The following IRAG2 variants were observed in gnomAD, a reference collection of about 807,000 sequenced individuals.
IRAG2 encodes inositol 1,4,5-triphosphate receptor associated 2.
In IRAG2, 45 loss-of-function variants were observed where a neutral mutation model predicts 69.9. The ratio of observed to expected loss-of-function variants is 0.64; its 90% CI spans 0.51 to 0.83. The LOEUF (loss-of-function observed/expected upper bound fraction) is 0.83, where lower values mean the gene tolerates loss of function less well. Among genes scored for constraint, IRAG2 ranks in the 40% least tolerant of loss-of-function variants. IRAG2 has a pLI of 0.00. For missense variants in IRAG2, 520 were observed against 587.0 expected, an observed-to-expected ratio of 0.89 and a Z score of 1.18; for synonymous variants, 193 against 202.4, an observed-to-expected ratio of 0.95 and a Z score of 0.40.
chr12:25,031,874 C>T (rs1041985531), intron 10 of IRAG2, among the ~76,000 whole-genome samples: 21 of 152,162 alleles, frequency 1.4e-4, no homozygotes, highest in Non-Finnish European at 4.4e-5. Flanking sequence ...GTTGGTCAGG[C>T]TGGTCTGGAC....
intron 15 of IRAG2, among the ~76,000 whole-genome samples, chr12:25,099,598 A>C (rs180958274): frequency 6.6e-6 from 1 of 152,266 alleles, no homozygotes; most frequent in African/African-American, 2.4e-5. Flanking sequence ...TCTGTTCTTA[A>C]TAAAGGAGCC....
At chr12:25,051,705 T>C (rs1284209223), upstream of IRAG2, among the ~76,000 whole-genome samples, 1 of 152,250 alleles carries the variant, frequency 6.6e-6, no homozygotes, top group Non-Finnish European at 1.5e-5. Context: ...CTTTCATCTG[T>C]GCCTGGGGGC....
At chr12:25,067,387 C>G (rs553629745) in intron 5 of IRAG2, among the ~76,000 whole-genome samples, 38 of 152,234 alleles carry the variant, frequency 2.5e-4, no homozygotes, top group African/African-American at 8.4e-4. Flanking sequence ...ATGAAATGGG[C>G]GTCCAGTAAT....
chr12:25,069,981 T>C (rs934036377), intron 6 of IRAG2, among the ~76,000 whole-genome samples: 5 of 152,184 alleles, frequency 3.3e-5, no homozygotes, highest in African/African-American at 1.2e-4. Flanking sequence ...TCTCTATCAT[T>C]GAGATGTGGT....
chr12:25,089,376 A>G (rs932615570), intron 11 of IRAG2, among the ~76,000 whole-genome samples: 1 of 143,190 alleles, frequency 7.0e-6, no homozygotes, highest in Non-Finnish European at 1.6e-5. Flanking sequence ...ATTCTGAGAC[A>G]TCTTTAAGTA....
chr12:25,003,343 G>GTCTAA (rs1391245291), upstream of IRAG2, among the ~76,000 whole-genome samples: 36 of 152,148 alleles, frequency 2.4e-4, no homozygotes, highest in African/African-American at 8.0e-4. Context: ...AAAAATATCT[G>GTCTAA]TCTAATCTAA....
At chr12:25,104,723 T>C (rs911199228) in intron 20 of IRAG2, among the ~76,000 whole-genome samples, 1 of 152,174 alleles carries the variant, frequency 6.6e-6, no homozygotes, top group African/African-American at 2.4e-5. Context: ...TGAAGATAAT[T>C]TTTTTCCTGT....
chr12:25,089,933 A>G lies in IRAG2; in HGVS notation c.466-124A>G, dbSNP rs1032411518. 3.2e-5 allele frequency: 41 copies of G among 1,278,096 alleles called. No homozygotes were observed. In the African/African-American group the frequency reaches 4.6e-4, roughly 14 times the overall value. 79.2% of individuals were successfully genotyped at this position (1,278,096 alleles called of 1,614,324 possible). ...GACTCAGTGCAGGTGAACCCTGTGC[A>G]TGTCAGCATTATGTTGCTGGGGGGA... On this transcript the variant is annotated intron_variant, in intron 13 of 21. Coordinates refer to ENST00000556887, the MANE Select transcript of IRAG2 (RefSeq NM_001366544.2).
chr12:25,091,504 A>G (rs1948064294), intron 14 of IRAG2, among the ~76,000 whole-genome samples: 2 of 152,156 alleles, frequency 1.3e-5, no homozygotes, highest in Admixed American at 6.5e-5. Context: ...ATCGATGGGC[A>G]TTTGGGTTGC....
intron 8 of IRAG2, among the ~76,000 whole-genome samples, chr12:25,025,400 GTGTC>G (rs1565528853): frequency 2.6e-5 from 4 of 152,236 alleles, no homozygotes; most frequent in African/African-American, 7.2e-5. Context: ...CAAGGCCAGA[GTGTC>G]TGGAGCAAAG....
the IRAG2 span, among the ~76,000 whole-genome samples, chr12:24,998,454 A>ATAG: frequency 6.6e-6 from 1 of 152,224 alleles, no homozygotes; most frequent in Admixed American, 6.5e-5. Flanking sequence ...ATCACATAAA[A>ATAG]TAGTAGTCAC....
At chr12:25,057,010 C>T (rs1945297737) in intron 1 of IRAG2, among the ~76,000 whole-genome samples, 1 of 152,130 alleles carries the variant, frequency 6.6e-6, no homozygotes, top group African/African-American at 2.4e-5. Context: ...CCTTGTTAGC[C>T]TCGCTGCCTC....
chr12:25,106,712 CATTT>C (rs902058422), intron 20 of IRAG2, among the ~76,000 whole-genome samples: 3 of 144,710 alleles, frequency 2.1e-5, no homozygotes, highest in Non-Finnish European at 4.5e-5. Context: ...ACTTTCTACA[CATTT>C]ATTATTTTTC....
chr12:25,065,131 CAG>C (rs1945892374), intron 4 of IRAG2, among the ~76,000 whole-genome samples: 1 of 151,662 alleles, frequency 6.6e-6, no homozygotes, highest in Admixed American at 6.7e-5. Flanking sequence ...TGCTATGTGC[CAG>C]ACACAGTTCT....
intron 2 of IRAG2, among the ~76,000 whole-genome samples, chr12:25,005,832 C>T (rs1006920673): frequency 1.3e-5 from 2 of 152,016 alleles, no homozygotes; most frequent in East Asian, 3.8e-4. Flanking sequence ...TTGGCCTTGG[C>T]AAATAATTTA....
At chr12:25,045,546 C>G (rs1007741761) in intron 16 of IRAG2, among the ~76,000 whole-genome samples, 3 of 151,886 alleles carry the variant, frequency 2.0e-5, no homozygotes, top group Admixed American at 6.6e-5. Flanking sequence ...GATATTACAA[C>G]TAGAACTGCA....
intron 1 of IRAG2, chr12:25,005,051 CTA>C (rs1475984578): frequency 1.6e-6 from 1 of 630,624 alleles, no homozygotes; most frequent in Non-Finnish European, 2.3e-6. Context: ...TCTGTTTTAA[CTA>C]TGTTTGTTTC....
chr12:25,079,807 C>G (rs113316396), intron 9 of IRAG2, 44 bp downstream of exon 9: 1 of 1,253,432 alleles, frequency 8.0e-7, no homozygotes, highest in Non-Finnish European at 1.2e-6. Context: ...TTCTAAAACA[C>G]GAAGCAAGTC....
At position 25,108,210 on chromosome 12, in the gene IRAG2, T is replaced by TATC; in HGVS notation, c.*151_*153dup. ...AGCTTACATTTCCTCTTTTTGCCTT[T>TATC]ATCTCCCCAACTAAAATACAATGGG... On this transcript the variant is annotated 3_prime_UTR_variant, in exon 22 of 22. Coordinates refer to ENST00000556887, the MANE Select transcript of IRAG2 (RefSeq NM_001366544.2). The TATC allele has an allele frequency of 2.4e-6, 2 of 829,516 alleles. No homozygotes were observed. Among genetic ancestry groups the TATC allele is most frequent in the East Asian group, 2.6e-5 (1 of 38,044 alleles). The allele number at this position is 829,516 out of a possible 1,614,324, so 51.4% of individuals were successfully genotyped here. A position where few individuals can be genotyped will look rare whatever the true frequency, so the allele number is the denominator to read the frequency against.
Sources: gnomAD v4.1 joint callset for allele counts (sites outside exome capture counted in the v4.1 genomes callset) on GRCh38, gnomAD v4.1.1 for gene constraint, MANE v1.5 for transcripts, NCBI Gene and HGNC (gene_info 2026-07-23, HGNC 2026-07-21) for gene names.